Variants in ELP4 observed in about 807,000 individuals in gnomAD.
The protein encoded by ELP4 is elongator acetyltransferase complex subunit 4, also known as elongator complex protein 4.
Under a neutral mutation model 48.9 loss-of-function variants are expected in ELP4, and 51 were observed. The ratio of observed to expected loss-of-function variants is 1.04; its 90% CI spans 0.83 to 1.32. The LOEUF (loss-of-function observed/expected upper bound fraction) is 1.32, where lower values mean the gene tolerates loss of function less well. ELP4 is among the 40% of genes most tolerant of loss of function. The probability of loss-of-function intolerance (pLI) is 0.00; values close to 1 mark genes in which losing one functional copy is unlikely to be tolerated. For missense variants in ELP4, 519 were observed against 514.6 expected (o/e 1.01, Z -0.08); for synonymous variants, 210 against 189.2 (o/e 1.11, Z -0.90).
chr11:31,761,906 G>T (rs1361737338), intron 9 of ELP4: 3 of 152,212 alleles, frequency 2.0e-5, no homozygotes, highest in Admixed American at 2.0e-4. Context: ...CTCCCAATCA[G>T]AAAATAAGCA....
chr11:31,551,198 G>A (rs1029672051), intron 3 of ELP4, among the ~76,000 whole-genome samples: 3 of 152,160 alleles, frequency 2.0e-5, no homozygotes, highest in African/African-American at 7.2e-5. Context: ...ATTGGCTATT[G>A]TTGTGCTGTT....
At chr11:31,697,490 G>C (rs527910211) in intron 9 of ELP4, among the ~76,000 whole-genome samples, 2 of 151,794 alleles carry the variant, frequency 1.3e-5, no homozygotes, top group African/African-American at 4.8e-5. Context: ...TAAAATTCTA[G>C]GTCCCAAGAA....
intron 3 of ELP4, among the ~76,000 whole-genome samples, chr11:31,572,813 C>A (rs190987243): frequency 1.6e-3 from 244 of 151,960 alleles, no homozygotes; most frequent in Middle Eastern, 6.8e-3. Context: ...CCAGCATGGG[C>A]AATATAGCAA....
intron 2 of ELP4, among the ~76,000 whole-genome samples, chr11:31,529,905 A>C (rs1371096366): frequency 6.6e-6 from 1 of 152,142 alleles, no homozygotes; most frequent in Non-Finnish European, 1.5e-5. Flanking sequence ...CATGGAAACC[A>C]CCTAATTTTA....
intron 3 of ELP4, among the ~76,000 whole-genome samples, chr11:31,586,864 T>G (rs1957484169): frequency 6.6e-6 from 1 of 152,036 alleles, no homozygotes; most frequent in Admixed American, 6.6e-5. Flanking sequence ...CTGGTCTCAA[T>G]CTCCTGACCT....
intron 9 of ELP4, among the ~76,000 whole-genome samples, chr11:31,730,899 G>T (rs1212610724): frequency 6.6e-6 from 1 of 152,020 alleles, no homozygotes; most frequent in Non-Finnish European, 1.5e-5. Context: ...AGAGCTGGGT[G>T]ATGTCCTGCT....
intron 9 of ELP4, among the ~76,000 whole-genome samples, chr11:31,779,060 A>G (rs937939559): frequency 1.3e-5 from 2 of 152,140 alleles, no homozygotes; most frequent in Admixed American, 6.6e-5. Flanking sequence ...GAAAAAATCT[A>G]TTAGGAGTAT....
chr11:31,545,592 T>C (rs1402799755), intron 3 of ELP4, among the ~76,000 whole-genome samples: 4 of 152,080 alleles, frequency 2.6e-5, no homozygotes, highest in Admixed American at 6.5e-5. Flanking sequence ...TTCCCCAGTA[T>C]AGCAAGGCAG....
chr11:31,671,252 C>T (rs1262420175), intron 9 of ELP4, among the ~76,000 whole-genome samples: 1 of 151,934 alleles, frequency 6.6e-6, no homozygotes, highest in African/African-American at 2.4e-5. Context: ...GTTTTTTGGA[C>T]CAAAAAAATT....
chr11:31,522,244 T>C (rs1956225188), intron 2 of ELP4, among the ~76,000 whole-genome samples: 1 of 152,172 alleles, frequency 6.6e-6, no homozygotes, highest in South Asian at 2.1e-4. Flanking sequence ...AAGGTGTCTA[T>C]TGAGAAAATT....
At chr11:31,551,895 G>C (rs1956860021) in intron 3 of ELP4, among the ~76,000 whole-genome samples, 1 of 152,116 alleles carries the variant, frequency 6.6e-6, no homozygotes, top group Non-Finnish European at 1.5e-5. Context: ...AATTTTATAA[G>C]TAAGAGATAG....
intron 9 of ELP4, among the ~76,000 whole-genome samples, chr11:31,660,174 T>C (rs1945525517): frequency 6.6e-6 from 1 of 152,196 alleles, no homozygotes; most frequent in Admixed American, 6.5e-5. Context: ...ATTATTATAG[T>C]GTAGACTTAA....
In ELP4 at chr11:31,603,856, A is replaced by T; in HGVS notation, c.602A>T (p.His201Leu). 1 of 1,611,910 alleles carries T rather than the reference A, an allele frequency of 6.2e-7. No individual in the cohort carries two copies. The highest frequency in any genetic ancestry group is 1.3e-5 in the African/African-American group (1 of 74,988). Residue 201 changes from histidine (H) to leucine (L), a missense_variant, in exon 5 of 10, where the codon CAT becomes CTT. By Grantham distance (99) the His-to-Leu change is moderately conservative (BLOSUM62 -3). Coordinates refer to ENST00000640961, the MANE Select transcript of ELP4 (RefSeq NM_019040.5). ...PQELIEASNW[H>L]GFFLPEKISS... Reference sequence around the variant, plus strand: ...GAACTAATTGAGGCTTCAAATTGGCATGGATTTTTTCTTCCAGAGAAAATA... The same window carrying T: ...GAACTAATTGAGGCTTCAAATTGGCTTGGATTTTTTCTTCCAGAGAAAATA...
intron 7 of ELP4, among the ~76,000 whole-genome samples, chr11:31,643,881 G>A (rs867497955): frequency 1.3e-5 from 2 of 151,626 alleles, no homozygotes; most frequent in Non-Finnish European, 2.9e-5. Flanking sequence ...TGGACAATCT[G>A]ATTTGCTTTG....
intron 9 of ELP4, among the ~76,000 whole-genome samples, chr11:31,764,595 G>GA (rs1948007775): frequency 6.6e-6 from 1 of 152,142 alleles, no homozygotes; most frequent in Admixed American, 6.6e-5. Context: ...CTTTTGTAAG[G>GA]AAAATGAGAG....
intron 3 of ELP4, among the ~76,000 whole-genome samples, chr11:31,590,524 C>A (rs1957550185): frequency 6.6e-6 from 1 of 152,102 alleles, no homozygotes; most frequent in Admixed American, 6.6e-5. Context: ...AAATATGACA[C>A]CAGAAGCACA....
At chr11:31,550,665 C>G (rs1956833226) in intron 3 of ELP4, among the ~76,000 whole-genome samples, 1 of 152,108 alleles carries the variant, frequency 6.6e-6, no homozygotes, top group Admixed American at 6.6e-5. Context: ...AATGATTTTC[C>G]ATCGAAACTC....
At chr11:31,611,700 G>A (rs938953251) in intron 5 of ELP4, among the ~76,000 whole-genome samples, 14 of 152,330 alleles carry the variant, frequency 9.2e-5, no homozygotes, top group African/African-American at 3.4e-4. Context: ...CCAGCATTAT[G>A]CTAAGTTCTA....
At chr11:31,767,961 G>A (rs915586016) in intron 9 of ELP4, 1 of 152,154 alleles carries the variant, frequency 6.6e-6, no homozygotes, top group African/African-American at 2.4e-5. Context: ...TTTGTGGAAG[G>A]GGGAACTAGA....
Sources: allele counts gnomAD v4.1 joint callset (sites outside exome capture counted in the v4.1 genomes callset), GRCh38; gene constraint gnomAD v4.1.1; transcripts MANE v1.5; gene names NCBI Gene and HGNC (gene_info 2026-07-23, HGNC 2026-07-21).